Variants in FOXP1 observed in about 807,000 individuals in gnomAD.
The protein encoded by FOXP1 is forkhead box P1.
A neutral mutation model predicts 98.2 loss-of-function variants in FOXP1; 15 were observed. The observed-to-expected ratio is 0.15, with a 90% CI of 0.10 to 0.24. The LOEUF is 0.24. Among genes scored for constraint, FOXP1 ranks in the 10% least tolerant of loss-of-function variants. The pLI is 1.00. For missense variants in FOXP1, 633 were observed against 848.5 expected (o/e 0.75, Z 3.15); for synonymous variants, 371 against 314.5 (o/e 1.18, Z -1.90).
chr3:71,582,452 G>A, intron 1 of FOXP1: 1 of 985,374 alleles, frequency 1.0e-6, no homozygotes, highest in South Asian at 4.7e-5. Flanking sequence ...GTCTCGGCGG[G>A]ACAGGAATAG....
chr3:71,556,280 T>C (rs1578162685), intron 2 of FOXP1, among the ~76,000 whole-genome samples: 1 of 152,136 alleles, frequency 6.6e-6, no homozygotes, highest in East Asian at 1.9e-4. Flanking sequence ...CTATACCATC[T>C]TTCACCTTGA....
chr3:71,194,269 A>G (rs1418394304), intron 6 of FOXP1, among the ~76,000 whole-genome samples: 1 of 151,664 alleles, frequency 6.6e-6, no homozygotes, highest in Non-Finnish European at 1.5e-5. Context: ...ACCAAAAAAA[A>G]AAAAAAAAGA....
intron 3 of FOXP1, among the ~76,000 whole-genome samples, chr3:71,392,055 G>A (rs778127515): frequency 7.9e-5 from 12 of 152,156 alleles, no homozygotes; most frequent in Non-Finnish European, 1.5e-4. Flanking sequence ...AAATAGACCT[G>A]TCTCTGAATT....
At chr3:71,425,669 A>G (rs2084093438) in intron 3 of FOXP1, among the ~76,000 whole-genome samples, 1 of 151,818 alleles carries the variant, frequency 6.6e-6, no homozygotes, top group Non-Finnish European at 1.5e-5. Flanking sequence ...TAATAACTCA[A>G]CTTTTGTTTA....
intron 5 of FOXP1, among the ~76,000 whole-genome samples, chr3:71,281,296 G>A (rs774838123): frequency 2.0e-5 from 3 of 151,812 alleles, no homozygotes; most frequent in Non-Finnish European, 2.9e-5. Context: ...AGAAAGGGTC[G>A]CTATCACCAA....
At chr3:71,251,470 T>C (rs766745177) in intron 5 of FOXP1, among the ~76,000 whole-genome samples, 1 of 152,202 alleles carries the variant, frequency 6.6e-6, no homozygotes, top group Non-Finnish European at 1.5e-5. Flanking sequence ...AAACCAGCCA[T>C]ACAACGTTAT....
intron 3 of FOXP1, among the ~76,000 whole-genome samples, chr3:71,372,785 T>C (rs940748503): frequency 1.3e-5 from 2 of 152,208 alleles, no homozygotes; most frequent in African/African-American, 2.4e-5. Context: ...CCAGAGTGAT[T>C]TGCAAATGCA....
At chr3:71,021,869 T>C (rs1444730034) in intron 11 of FOXP1, among the ~76,000 whole-genome samples, 1 of 152,226 alleles carries the variant, frequency 6.6e-6, no homozygotes, top group Non-Finnish European at 1.5e-5. Flanking sequence ...TTAATTGGGC[T>C]GTTTTTTGCA....
At chr3:71,184,775 G>C (rs1656290378) in intron 6 of FOXP1, among the ~76,000 whole-genome samples, 1 of 150,206 alleles carries the variant, frequency 6.7e-6, no homozygotes, top group Admixed American at 6.6e-5. Flanking sequence ...TTTTGGGGGG[G>C]GCATATTGTA....
chr3:71,137,701 C>T lies in FOXP1; in HGVS notation c.181-25064G>A, dbSNP rs557969103. Among the ~76,000 whole-genome samples the T allele has an allele frequency of 1.2e-4, 18 of 152,226 alleles. 1 individual carries two copies. In the South Asian group the frequency reaches 1.2e-3, roughly 11 times the overall value. ...TCTTCTATCATGTTTGTCAACAATT[C>T]GCCCACCTTCAATAACATCCGAATG... On this transcript the variant is annotated intron_variant, in intron 6 of 20. Transcript: ENST00000649528.
chr3:71,541,898 C>G (rs1486105326), intron 2 of FOXP1: 1 of 479,514 alleles, frequency 2.1e-6, no homozygotes. Context: ...TTTTAGGACT[C>G]AAAAGTCAAC....
intron 19 of FOXP1, chr3:70,968,374 T>TC (rs1363977233): frequency 2.0e-5 from 3 of 151,778 alleles, no homozygotes; most frequent in African/African-American, 7.3e-5. Flanking sequence ...TTTTTTTTTT[T>TC]TTTTTTTTGG....
chr3:71,170,734 C>T (rs534121383), intron 6 of FOXP1, among the ~76,000 whole-genome samples: 7 of 152,284 alleles, frequency 4.6e-5, no homozygotes, highest in African/African-American at 1.7e-4. Context: ...TTCGCATAAG[C>T]TGTTAAGCAG....
At chr3:71,349,839 C>T (rs2077663381) in intron 4 of FOXP1, among the ~76,000 whole-genome samples, 1 of 152,172 alleles carries the variant, frequency 6.6e-6, no homozygotes, top group Admixed American at 6.5e-5. Context: ...GATGTTTATT[C>T]TCTATATCCC....
intron 7 of FOXP1, among the ~76,000 whole-genome samples, chr3:71,071,007 T>C (rs776638393): frequency 3.3e-4 from 50 of 152,176 alleles, no homozygotes; most frequent in Non-Finnish European, 4.3e-4. Context: ...CCTTCCACAC[T>C]GTGTGGCATA....
intron 6 of FOXP1, among the ~76,000 whole-genome samples, chr3:71,189,230 A>C (rs570491230): frequency 3.9e-4 from 47 of 121,206 alleles, no homozygotes; most frequent in African/African-American, 1.8e-3. Flanking sequence ...TCATTATAAG[A>C]AGCTTGTGTC....
chr3:71,206,762 T>G (rs1175661828), intron 5 of FOXP1, among the ~76,000 whole-genome samples: 1 of 152,234 alleles, frequency 6.6e-6, no homozygotes, highest in Non-Finnish European at 1.5e-5. Context: ...AGATAACAAG[T>G]TGACCCCGCT....
intron 4 of FOXP1, among the ~76,000 whole-genome samples, chr3:71,307,528 C>G (rs2074363415): frequency 6.6e-6 from 1 of 152,190 alleles, no homozygotes; most frequent in Non-Finnish European, 1.5e-5. Flanking sequence ...CCCACAGAAA[C>G]TGAAGACGCT....
intron 4 of FOXP1, among the ~76,000 whole-genome samples, chr3:71,357,808 A>G (rs961482120): frequency 1.3e-5 from 2 of 152,252 alleles, no homozygotes; most frequent in African/African-American, 4.8e-5. Flanking sequence ...AAGATAGAAG[A>G]CACAAACTGC....
Sources: allele counts gnomAD v4.1 joint callset (sites outside exome capture counted in the v4.1 genomes callset), GRCh38; gene constraint gnomAD v4.1.1; transcripts MANE v1.5; gene names NCBI Gene and HGNC (gene_info 2026-07-23, HGNC 2026-07-21).